Variants in PDE1A observed in about 807,000 individuals in gnomAD.
The protein encoded by PDE1A is phosphodiesterase 1A, also known as dual specificity calcium/calmodulin-dependent 3',5'-cyclic nucleotide phosphodiesterase 1A.
PDE1A carries 35 observed loss-of-function variants against 61.7 expected under a neutral mutation model. The ratio of observed to expected loss-of-function variants is 0.57; its 90% confidence interval spans 0.43 to 0.75. The LOEUF (loss-of-function observed/expected upper bound fraction) is 0.75. Ranked by LOEUF, PDE1A falls within the 30% of genes least tolerant of loss-of-function variation. The pLI is 0.00. For missense variants in PDE1A, 597 were observed against 630.6 expected (o/e 0.95, Z 0.57); for synonymous variants, 232 against 213.2 (o/e 1.09, Z -0.77).
chr2:182,541,752 T>C, the PDE1A span, among the ~76,000 whole-genome samples: 1 of 152,340 alleles, frequency 6.6e-6, no homozygotes, highest in East Asian at 1.9e-4. Flanking sequence ...TAACTGATAA[T>C]AGAGTATTAA....
chr2:182,310,286 TA>T (rs1270790161), intron 1 of PDE1A, among the ~76,000 whole-genome samples: 5 of 152,164 alleles, frequency 3.3e-5, no homozygotes, highest in Admixed American at 3.3e-4. Context: ...TTATAGTTAA[TA>T]ACTTATTAAT....
chr2:182,567,252 A>G, the PDE1A span, among the ~76,000 whole-genome samples: 144 of 152,290 alleles, frequency 9.5e-4, no homozygotes, highest in Non-Finnish European at 5.3e-4. Context: ...TTTGCTTCCA[A>G]TTGGATGACT....
intron 1 of PDE1A, among the ~76,000 whole-genome samples, chr2:182,406,622 A>G (rs1702311890): frequency 1.3e-5 from 2 of 152,148 alleles, no homozygotes; most frequent in Non-Finnish European, 2.9e-5. Context: ...ATTGGAGTAG[A>G]TCATTTTTTA....
Position 182,491,150 on chromosome 2 carries a change from CAACA to C in PDE1A, c.101+31122_101+31125del, listed in dbSNP as rs1688365482. 2.6e-5 allele frequency among the ~76,000 whole-genome samples: 4 copies of C among 152,236 alleles called. No homozygotes were observed. The South Asian group carries it at 8.3e-4, about 32-fold the overall frequency. ...AATAGGAAGTGCAGAGATTGGTGGACAACAAATAGGGTGCACTTGCAGTTTGTGG... is the reference window on the plus strand; with the variant it reads ...AATAGGAAGTGCAGAGATTGGTGGACAATAGGGTGCACTTGCAGTTTGTGG... On this transcript the variant is annotated intron_variant, in intron 2 of 14. Transcript: ENST00000410103.
upstream of PDE1A, among the ~76,000 whole-genome samples, chr2:182,427,757 T>C (rs1574633990): frequency 5.9e-5 from 9 of 152,306 alleles, 1 homozygote; most frequent in Admixed American, 5.9e-4. Context: ...GTAACTTATT[T>C]TGGAGACCTT....
intron 1 of PDE1A, among the ~76,000 whole-genome samples, chr2:182,387,190 G>A (rs1042578460): frequency 6.6e-6 from 1 of 152,176 alleles, no homozygotes; most frequent in Non-Finnish European, 1.5e-5. Context: ...AGTGCAAGAT[G>A]TGCTTTGTTA....
At chr2:182,272,084 G>C (rs1693066414) in intron 1 of PDE1A, among the ~76,000 whole-genome samples, 1 of 152,020 alleles carries the variant, frequency 6.6e-6, no homozygotes, top group African/African-American at 2.4e-5. Flanking sequence ...ATGGATACTA[G>C]AATAATAAAG....
chr2:182,266,947 G>A (rs1692676186), intron 1 of PDE1A, among the ~76,000 whole-genome samples: 1 of 152,130 alleles, frequency 6.6e-6, no homozygotes, highest in Non-Finnish European at 1.5e-5. Flanking sequence ...AACAAAAATT[G>A]CATTTAAGCC....
the PDE1A span, among the ~76,000 whole-genome samples, chr2:182,608,430 G>C: frequency 6.6e-6 from 1 of 152,218 alleles, no homozygotes. Flanking sequence ...GGCCCAAGCC[G>C]GCTCCCTCAG....
At chr2:182,443,700 CTTT>C (rs1213330952) in intron 2 of PDE1A, among the ~76,000 whole-genome samples, 3 of 134,286 alleles carry the variant, frequency 2.2e-5, no homozygotes, top group Admixed American at 7.5e-5. Context: ...TTCTTTTTTC[CTTT>C]TTTTTTTTTT....
chr2:182,673,796 G>C, the PDE1A span, among the ~76,000 whole-genome samples: 3 of 151,308 alleles, frequency 2.0e-5, no homozygotes, highest in African/African-American at 7.3e-5. Flanking sequence ...TACTATAATA[G>C]GAAACCTTAA....
chr2:182,669,511 T>A, the PDE1A span, among the ~76,000 whole-genome samples: 2 of 152,252 alleles, frequency 1.3e-5, no homozygotes, highest in Non-Finnish European at 2.9e-5. Flanking sequence ...TCTCTGACTT[T>A]ACCTTTTGTT....
chr2:182,675,261 T>A, the PDE1A span, among the ~76,000 whole-genome samples: 2 of 152,288 alleles, frequency 1.3e-5, no homozygotes, highest in East Asian at 3.9e-4. Context: ...TCCAGCTCCA[T>A]CCATGTTCCT....
chr2:182,463,996 C>A (rs1391471181), intron 2 of PDE1A, among the ~76,000 whole-genome samples: 1 of 152,042 alleles, frequency 6.6e-6, no homozygotes, highest in Non-Finnish European at 1.5e-5. Context: ...TATGCCAGCC[C>A]CACTTCTCAC....
At chr2:182,521,208 T>C (rs558699961) in intron 2 of PDE1A, among the ~76,000 whole-genome samples, 1 of 152,148 alleles carries the variant, frequency 6.6e-6, no homozygotes, top group South Asian at 2.1e-4. Context: ...AAGTTTGATG[T>C]AATTTTCTTT....
At chr2:182,428,247 T>G (rs1322009587), upstream of PDE1A, among the ~76,000 whole-genome samples, 1 of 152,170 alleles carries the variant, frequency 6.6e-6, no homozygotes, top group African/African-American at 2.4e-5. Flanking sequence ...TTCTTGTTTG[T>G]AAAATGAAAT....
chr2:182,145,525 C>T (rs1431684106), downstream of PDE1A, among the ~76,000 whole-genome samples: 2 of 152,036 alleles, frequency 1.3e-5, no homozygotes, highest in Admixed American at 1.3e-4. Flanking sequence ...CTCAGGAGTT[C>T]GAGACCAGCC....
At chr2:182,408,743 T>C (rs2125504213) in intron 1 of PDE1A, among the ~76,000 whole-genome samples, 1 of 152,294 alleles carries the variant, frequency 6.6e-6, no homozygotes, top group Non-Finnish European at 1.5e-5. Context: ...AAACTGCTCA[T>C]TTTCTTCCAT....
At chr2:182,249,980 T>G in intron 2 of PDE1A, among the ~76,000 whole-genome samples, 1 of 152,218 alleles carries the variant, frequency 6.6e-6, no homozygotes. Context: ...ACAGATGTCT[T>G]GAGTGATTTG....
Sources: gnomAD v4.1 joint callset for allele counts (sites outside exome capture counted in the v4.1 genomes callset) on GRCh38, gnomAD v4.1.1 for gene constraint, MANE v1.5 for transcripts, NCBI Gene and HGNC (gene_info 2026-07-23, HGNC 2026-07-21) for gene names.